Variants in DACH2 observed in about 807,000 individuals in gnomAD.
DACH2 encodes dachshund homolog 2.
A neutral mutation model predicts 35.8 loss-of-function variants in DACH2; 17 were observed. The observed-to-expected ratio is 0.48, with a 90% CI of 0.33 to 0.71. DACH2 has a LOEUF of 0.71. DACH2 is among the 30% of genes least tolerant of loss of function. The pLI is 0.02. For missense variants in DACH2, 469 were observed against 472.7 expected (o/e 0.99, Z 0.07); for synonymous variants, 195 against 177.3 (o/e 1.10, Z -0.79).
chrX:86,535,478 G>A (rs758357387), intron 3 of DACH2, among the ~76,000 whole-genome samples: 31 of 111,602 alleles, frequency 2.8e-4, no homozygotes, highest in Non-Finnish European at 1.7e-4. Context: ...CAGGGGTCAG[G>A]ATGTGCCTCA....
intron 2 of DACH2, among the ~76,000 whole-genome samples, chrX:86,423,430 T>G (rs924260591): frequency 9.0e-6 from 1 of 111,491 alleles, no homozygotes; most frequent in Non-Finnish European, 1.9e-5. Flanking sequence ...GTGATGTTTT[T>G]CACCTTTTCA....
intron 2 of DACH2, among the ~76,000 whole-genome samples, chrX:86,396,625 G>C (rs1165236934): frequency 3.7e-5 from 4 of 109,381 alleles, no homozygotes; most frequent in South Asian, 7.8e-4. Flanking sequence ...AGTTTTCCCA[G>C]CACCATTTAT....
chrX:86,158,727 T>C (rs1194873593), intron 1 of DACH2, among the ~76,000 whole-genome samples: 1 of 111,391 alleles, frequency 9.0e-6, no homozygotes, highest in Non-Finnish European at 1.9e-5. Flanking sequence ...TTTACTAAAT[T>C]ATGAAATATT....
At chrX:86,211,627 A>T (rs1361945705) in intron 1 of DACH2, among the ~76,000 whole-genome samples, 3 of 110,958 alleles carry the variant, frequency 2.7e-5, no homozygotes, top group African/African-American at 9.8e-5. Context: ...CATAGTTTTA[A>T]CTCCCCTTCA....
chrX:86,406,062 A>G (rs185562903), intron 2 of DACH2, among the ~76,000 whole-genome samples: 9 of 111,835 alleles, frequency 8.0e-5, no homozygotes, highest in African/African-American at 2.9e-4. Flanking sequence ...CCCATGACAC[A>G]TGGGGATTGT....
At chrX:86,178,623 G>C (rs1442156162) in intron 1 of DACH2, among the ~76,000 whole-genome samples, 1 of 111,066 alleles carries the variant, frequency 9.0e-6, no homozygotes, top group Non-Finnish European at 1.9e-5. Flanking sequence ...GAAAATTACT[G>C]TTTTGTCTCA....
intron 3 of DACH2, among the ~76,000 whole-genome samples, chrX:86,516,301 G>A (rs1375930420): frequency 4.5e-5 from 5 of 111,343 alleles, no homozygotes. Flanking sequence ...TCAAATCTGT[G>A]TCCTGGTTTT....
In DACH2 at chrX:86,455,236, G is replaced by A. The variant is rs140634769; in HGVS notation, c.528-59043G>A. Among the ~76,000 whole-genome samples the A allele has an allele frequency of 2.1e-4, 23 of 111,049 alleles. 1 individual carries two copies. In the East Asian group the frequency reaches 5.2e-3, roughly 25 times the overall value. ...GGTGCCTGGAGACCCATTTTTGGAG[G>A]TCTCACCCAGTCAGCCGGAATGGGA... is the stretch of plus-strand genomic sequence containing the variant. On this transcript the variant is annotated intron_variant, in intron 2 of 11. Coordinates refer to ENST00000373125, the MANE Select transcript of DACH2 (RefSeq NM_053281.3).
At chrX:86,553,428 C>A (rs66992054) in intron 3 of DACH2, among the ~76,000 whole-genome samples, 28,067 of 110,713 alleles carry the variant, frequency 0.25, 4,769 homozygotes, top group African/African-American at 0.62. Context: ...AGTCCACCGA[C>A]TCAAATGTTA....
chrX:86,653,346 T>C (rs1406659431), intron 4 of DACH2, among the ~76,000 whole-genome samples: 1 of 111,651 alleles, frequency 9.0e-6, no homozygotes, highest in Non-Finnish European at 1.9e-5. Context: ...GTAATATAAT[T>C]CGAAGGCAGG....
intron 3 of DACH2, among the ~76,000 whole-genome samples, chrX:86,638,566 A>T (rs1406725860): frequency 9.0e-6 from 1 of 111,191 alleles, no homozygotes; most frequent in African/African-American, 3.3e-5. Flanking sequence ...AACAACAAAT[A>T]AAAAAAAGAC....
At chrX:86,728,659 G>C (rs892762453) in intron 6 of DACH2, among the ~76,000 whole-genome samples, 3 of 112,388 alleles carry the variant, frequency 2.7e-5, no homozygotes, top group Non-Finnish European at 3.8e-5. Flanking sequence ...GCACAGCCTT[G>C]GGACACAGCT....
Position 86,275,567 on chromosome X carries a change from TTTAAG to T in DACH2, c.489-101253_489-101249del, listed in dbSNP as rs1226696828. Among the ~76,000 whole-genome samples the T allele has an allele frequency of 2.7e-5, 3 of 111,584 alleles. No homozygotes were observed. In the East Asian group the frequency reaches 8.4e-4, roughly 31 times the overall value. ...AGTTACAAACAATTGAATCACTCTCTTTAAGTTATTTAAATAAGTACAGTTAATTT... is the reference window on the plus strand; with the variant it reads ...AGTTACAAACAATTGAATCACTCTCTTTATTTAAATAAGTACAGTTAATTT... On this transcript the variant is annotated intron_variant, in intron 1 of 11. Coordinates refer to ENST00000373125, the MANE Select transcript of DACH2 (RefSeq NM_053281.3).
intron 2 of DACH2, among the ~76,000 whole-genome samples, chrX:86,396,979 G>A (rs1010008482): frequency 1.8e-5 from 2 of 110,999 alleles, no homozygotes; most frequent in Non-Finnish European, 3.8e-5. Context: ...ATGACCTTGG[G>A]CAGTATGGCC....
chrX:86,440,246 C>T (rs755250730), intron 2 of DACH2, among the ~76,000 whole-genome samples: 26 of 111,230 alleles, frequency 2.3e-4, no homozygotes, highest in African/African-American at 5.9e-4. Context: ...ATAGTTGATT[C>T]GCCTATGTAT....
chrX:86,562,356 A>G (rs775140632), intron 3 of DACH2, among the ~76,000 whole-genome samples: 43 of 111,250 alleles, frequency 3.9e-4, no homozygotes, highest in Non-Finnish European at 7.0e-4. Context: ...AGATAGCACA[A>G]TTTCACTTCA....
intron 4 of DACH2, among the ~76,000 whole-genome samples, chrX:86,686,585 C>G (rs1335000966): frequency 9.0e-6 from 1 of 111,117 alleles, no homozygotes; most frequent in African/African-American, 3.3e-5. Context: ...AACATAATAC[C>G]AAGATAAATA....
intron 11 of DACH2, chrX:86,829,661 T>TGTGGA (rs1001371647): frequency 1.8e-5 from 2 of 112,582 alleles, no homozygotes; most frequent in Non-Finnish European, 3.8e-5. Context: ...TCATCTCCTG[T>TGTGGA]GTGGAGTGTC....
At chrX:86,554,216 GTAA>G (rs1178856261) in intron 3 of DACH2, among the ~76,000 whole-genome samples, 1 of 111,246 alleles carries the variant, frequency 9.0e-6, no homozygotes, top group African/African-American at 3.3e-5. Context: ...GTAGAATGGT[GTAA>G]TAATATCACC....
Sources: gnomAD v4.1 joint callset for allele counts (sites outside exome capture counted in the v4.1 genomes callset) on GRCh38, gnomAD v4.1.1 for gene constraint, MANE v1.5 for transcripts, NCBI Gene and HGNC (gene_info 2026-07-23, HGNC 2026-07-21) for gene names.